The following PDE7B variants were observed in gnomAD, a reference collection of about 807,000 sequenced individuals.
PDE7B encodes the protein 3',5'-cyclic-AMP phosphodiesterase 7B.
A neutral mutation model predicts 56.2 loss-of-function variants in PDE7B; 29 were observed. The observed-to-expected ratio is 0.52, with a 90% CI of 0.38 to 0.70. The LOEUF is 0.70. Ranked by LOEUF, PDE7B falls within the 30% of genes least tolerant of loss-of-function variation. The pLI, the probability that PDE7B is intolerant of heterozygous loss-of-function variation, is 0.00. For missense variants in PDE7B, 490 were observed against 565.0 expected (o/e 0.87, Z 1.35); for synonymous variants, 197 against 196.9 (o/e 1.00, Z 0.00).
chr6:136,012,227 G>A (rs1257603461), intron 2 of PDE7B, among the ~76,000 whole-genome samples: 1 of 152,018 alleles, frequency 6.6e-6, no homozygotes, highest in Non-Finnish European at 1.5e-5. Context: ...AGCAAAATTA[G>A]GCCTCCAGGC....
intron 2 of PDE7B, among the ~76,000 whole-genome samples, chr6:135,949,780 T>G (rs1047632262): frequency 7.2e-5 from 11 of 152,190 alleles, no homozygotes; most frequent in African/African-American, 2.6e-4. Context: ...AGAATGGAAG[T>G]TTTTATTAGT....
At chr6:135,978,637 A>G (rs1775235206) in intron 2 of PDE7B, among the ~76,000 whole-genome samples, 1 of 152,130 alleles carries the variant, frequency 6.6e-6, no homozygotes, top group Admixed American at 6.5e-5. Context: ...GTACAAAAAA[A>G]TTCTTTATAC....
chr6:136,041,234 T>G (rs1262551195), intron 2 of PDE7B, among the ~76,000 whole-genome samples: 1 of 152,200 alleles, frequency 6.6e-6, no homozygotes. Flanking sequence ...GGCATCATTA[T>G]TTTTACGCAC....
intron 2 of PDE7B, among the ~76,000 whole-genome samples, chr6:135,969,783 A>G (rs1025705311): frequency 6.6e-6 from 1 of 152,214 alleles, no homozygotes; most frequent in African/African-American, 2.4e-5. Flanking sequence ...GCTTCTGCAC[A>G]GCAAAAGAAA....
intron 8 of PDE7B, among the ~76,000 whole-genome samples, chr6:136,166,830 G>T (rs1018479614): frequency 2.0e-5 from 3 of 152,092 alleles, no homozygotes; most frequent in Non-Finnish European, 4.4e-5. Flanking sequence ...ACCAAAAGTG[G>T]CCTTATTTCA....
rs149680401 is a variant in PDE7B at position 135,959,173 on chromosome 6, G to C, written c.82+11649G>C. Among the ~76,000 whole-genome samples the C allele has an allele frequency of 5.6e-3, 845 of 152,156 alleles. 8 individuals are homozygous for C. The highest frequency in any genetic ancestry group is 5.4e-3 in the Non-Finnish European group (366 of 67,990). ...AAATTGAAGACATCATTCTAAACAA[G>C]GACCTGACATTCTGAAATATAAGAA... is the stretch of plus-strand genomic sequence containing the variant. On this transcript the variant is annotated intron_variant, in intron 2 of 12. Coordinates refer to ENST00000308191, the MANE Select transcript of PDE7B (RefSeq NM_018945.4).
At chr6:136,155,518 T>C (rs1298352201) in intron 7 of PDE7B, 109 bp from the exon 8 acceptor site, 3 of 895,900 alleles carry the variant, frequency 3.3e-6, no homozygotes, top group Non-Finnish European at 5.2e-6. Flanking sequence ...GTCTGGCTGA[T>C]AGGCTTAAAC....
At chr6:136,031,024 A>G (rs1776239018) in intron 2 of PDE7B, among the ~76,000 whole-genome samples, 1 of 152,274 alleles carries the variant, frequency 6.6e-6, no homozygotes, top group South Asian at 2.1e-4. Flanking sequence ...CTATGGTTCA[A>G]TGTCCCCAGA....
intron 4 of PDE7B, 63 bp downstream of exon 4, chr6:136,147,565 T>C (rs767439676): frequency 7.1e-6 from 10 of 1,409,124 alleles, no homozygotes; most frequent in Non-Finnish European, 1.0e-5. Flanking sequence ...CCTCAGCTGA[T>C]AGCACTGGTG....
At chr6:135,853,384 G>C (rs1262997806) in intron 1 of PDE7B, among the ~76,000 whole-genome samples, 2 of 152,210 alleles carry the variant, frequency 1.3e-5, no homozygotes, top group Non-Finnish European at 2.9e-5. Context: ...ATGGACAATT[G>C]CTTTTCTGCA....
At chr6:135,882,773 T>C (rs1775632571) in intron 1 of PDE7B, among the ~76,000 whole-genome samples, 1 of 152,200 alleles carries the variant, frequency 6.6e-6, no homozygotes, top group Admixed American at 6.5e-5. Context: ...CTATATCTGT[T>C]ATGCTGAGAA....
At chr6:136,056,679 C>T (rs1190997774) in intron 2 of PDE7B, among the ~76,000 whole-genome samples, 1 of 151,604 alleles carries the variant, frequency 6.6e-6, no homozygotes, top group Non-Finnish European at 1.5e-5. Flanking sequence ...TTACAGGCAC[C>T]TGCCACCACA....
intron 1 of PDE7B, among the ~76,000 whole-genome samples, chr6:135,857,107 C>T (rs1369002996): frequency 7.2e-6 from 1 of 139,810 alleles, no homozygotes; most frequent in Admixed American, 7.3e-5. Flanking sequence ...TCCTCTCTCT[C>T]TTTCTCTTTC....
At chr6:136,047,487 A>G (rs1321096074) in intron 2 of PDE7B, 1 of 152,208 alleles carries the variant, frequency 6.6e-6, no homozygotes. Context: ...CTCATCCCCT[A>G]GAAAGAAAGT....
intron 1 of PDE7B, among the ~76,000 whole-genome samples, 165 bp downstream of exon 1, chr6:135,852,184 G>T (rs755638957): frequency 6.6e-6 from 1 of 151,776 alleles, no homozygotes. Flanking sequence ...TTTTCTAGGC[G>T]AACTGACTAA....
At chr6:135,946,172 T>C (rs1467261464) in intron 1 of PDE7B, among the ~76,000 whole-genome samples, 1 of 151,846 alleles carries the variant, frequency 6.6e-6, no homozygotes, top group Non-Finnish European at 1.5e-5. Flanking sequence ...CTTAACATTA[T>C]ACTTTTATGT....
intron 1 of PDE7B, among the ~76,000 whole-genome samples, chr6:135,900,954 T>G (rs1368480398): frequency 6.6e-6 from 1 of 152,186 alleles, no homozygotes; most frequent in East Asian, 1.9e-4. Flanking sequence ...ATCCATAAAT[T>G]TGAATGCTGT....
intron 11 of PDE7B, among the ~76,000 whole-genome samples, chr6:136,183,926 C>A (rs1779107011): frequency 6.6e-6 from 1 of 151,544 alleles, no homozygotes; most frequent in Non-Finnish European, 1.5e-5. Context: ...CTGTTTCATT[C>A]TCAGAACAGA....
intron 2 of PDE7B, among the ~76,000 whole-genome samples, chr6:136,004,081 A>T (rs1775726940): frequency 6.6e-6 from 1 of 152,190 alleles, no homozygotes; most frequent in Non-Finnish European, 1.5e-5. Context: ...CCAGCATATA[A>T]ACAGAACCAA....
Sources: allele counts gnomAD v4.1 joint callset (sites outside exome capture counted in the v4.1 genomes callset), GRCh38; gene constraint gnomAD v4.1.1; transcripts MANE v1.5; gene names NCBI Gene and HGNC (gene_info 2026-07-23, HGNC 2026-07-21).